RELN: variants seen among roughly 807,000 people sequenced by gnomAD.
The protein encoded by RELN is reelin.
RELN carries 108 observed loss-of-function variants against 427.6 expected under a neutral mutation model. That is an observed-to-expected ratio of 0.25 (90% CI 0.22 to 0.30). The LOEUF is 0.30. Among genes scored for constraint, RELN ranks in the 10% least tolerant of loss-of-function variants. The pLI, the probability that RELN is intolerant of heterozygous loss-of-function variation, is 1.00. For missense variants in RELN, 3,715 were observed against 4,302.8 expected, an observed-to-expected ratio of 0.86 and a Z score of 3.82; for synonymous variants, 1,524 against 1,513.4, an observed-to-expected ratio of 1.01 and a Z score of -0.16.
At chr7:103,875,158 T>TA (rs2116541245) in intron 2 of RELN, among the ~76,000 whole-genome samples, 3 of 147,432 alleles carry the variant, frequency 2.0e-5, no homozygotes, top group African/African-American at 7.4e-5. Context: ...TAGCCATATG[T>TA]AGGAAGCTGA....
intron 5 of RELN, among the ~76,000 whole-genome samples, chr7:103,752,415 AT>A (rs201896863): frequency 7.3e-5 from 11 of 151,558 alleles, no homozygotes; most frequent in Non-Finnish European, 7.4e-5. Flanking sequence ...TCTCATTTCA[AT>A]TTTTTTTTAA....
intron 2 of RELN, among the ~76,000 whole-genome samples, chr7:103,838,621 C>G (rs896392226): frequency 3.9e-5 from 6 of 152,234 alleles, no homozygotes; most frequent in African/African-American, 1.4e-4. Flanking sequence ...AAGCAGGGAT[C>G]AGGTGTATGG....
At chr7:103,732,617 A>G (rs1357002485) in intron 6 of RELN, among the ~76,000 whole-genome samples, 1 of 152,148 alleles carries the variant, frequency 6.6e-6, no homozygotes, top group African/African-American at 2.4e-5. Flanking sequence ...TCCATGTGAA[A>G]GACGAGATGA....
chr7:103,846,869 C>T lies in RELN; in HGVS notation c.338-13197G>A, dbSNP rs189959985. Among the ~76,000 whole-genome samples the T allele has an allele frequency of 9.1e-3, 1,382 of 152,166 alleles. 16 individuals are homozygous for T. Among genetic ancestry groups the T allele is most frequent in the Middle Eastern group, 0.017 (5 of 294 alleles). On this transcript the variant is annotated intron_variant, in intron 2 of 64. Transcript: ENST00000428762. ...AGAAATGCAAATCAAAGCCACAGTGCGATGCCATCTCATGCCAGTTAGAAC... is the reference window on the plus strand; with the variant it reads ...AGAAATGCAAATCAAAGCCACAGTGTGATGCCATCTCATGCCAGTTAGAAC...
At position 103,593,729 on chromosome 7, in the gene RELN, C is replaced by T. The variant is rs1190582008; in HGVS notation, c.3865G>A (p.Val1289Ile). 1.9e-6 allele frequency: 3 copies of T among 1,614,056 alleles called. No homozygotes were observed. The highest frequency in any genetic ancestry group is 3.3e-5 in the Admixed American group (2 of 60,026). The change falls in exon 27 of 65, where the codon GTA (valine) becomes ATA (isoleucine). Residue 1289 changes from valine (V) to isoleucine (I), a missense_variant. Coordinates refer to ENST00000428762, the MANE Select transcript of RELN (RefSeq NM_005045.4). ...GGTTTCAGGGTCAAATCTCGAGTTACTGCAAATCGATCTCCATCTGATTTT... is the reference window on the plus strand; with the variant it reads ...GGTTTCAGGGTCAAATCTCGAGTTATTGCAAATCGATCTCCATCTGATTTT... ...FGKSDGDRFAVTRDLTLKPGY... is the reference protein window; with the variant it reads ...FGKSDGDRFAITRDLTLKPGY...
chr7:103,925,170 T>C (rs1308494670), intron 1 of RELN, among the ~76,000 whole-genome samples: 1 of 152,118 alleles, frequency 6.6e-6, no homozygotes, highest in Non-Finnish European at 1.5e-5. Context: ...AACAATATTT[T>C]TGAAATCTCC....
chr7:103,502,277 A>G (rs542572574), intron 52 of RELN, among the ~76,000 whole-genome samples: 16 of 151,026 alleles, frequency 1.1e-4, no homozygotes, highest in African/African-American at 3.6e-4. Context: ...AATAATAATA[A>G]TAATATCTAT....
intron 1 of RELN, 144 bp from the exon 2 acceptor site, chr7:103,917,329 G>C: frequency 1.4e-6 from 1 of 690,816 alleles, no homozygotes; most frequent in East Asian, 2.7e-5. Flanking sequence ...TTTTGTATGA[G>C]AAATTACAGA....
intron 53 of RELN, 143 bp from the exon 54 acceptor site, chr7:103,498,395 A>G (rs750738046): frequency 1.1e-5 from 8 of 738,566 alleles, no homozygotes; most frequent in Non-Finnish European, 1.4e-5. Context: ...AAAAAAGGCT[A>G]TTTCCACAAT....
intron 33 of RELN, 147 bp downstream of exon 33, chr7:103,566,077 C>T: frequency 1.4e-6 from 1 of 710,652 alleles, no homozygotes; most frequent in Non-Finnish European, 2.5e-6. Context: ...TGTCTTAGCA[C>T]AATAAAACTT....
chr7:103,495,989 T>G, intron 56 of RELN, 91 bp from the exon 57 acceptor site: 4 of 1,346,128 alleles, frequency 3.0e-6, no homozygotes, highest in Non-Finnish European at 4.2e-6. Context: ...AACTGACCGA[T>G]TTATTGTTGA....
chr7:103,924,268 C>A lies in RELN; in HGVS notation c.227-7083G>T, dbSNP rs150191014. On this transcript the variant is annotated intron_variant, in intron 1 of 64. Transcript: ENST00000428762. ...TCTGCTGTACTAATTATTATTACAG[C>A]CATTTATTATCATTATTATTACTCT... Among the ~76,000 whole-genome samples, 355 of 152,160 alleles carry A rather than the reference C, an allele frequency of 2.3e-3. 2 individuals carry two copies. The highest frequency in any genetic ancestry group is 8.1e-3 in the African/African-American group (336 of 41,506).
At chr7:103,482,599 C>A (rs1235574543) in intron 63 of RELN, among the ~76,000 whole-genome samples, 1 of 152,182 alleles carries the variant, frequency 6.6e-6, no homozygotes. Flanking sequence ...TACCTGGAGA[C>A]TTTTGTTTTA....
chr7:103,548,116 C>A (rs958342966), intron 41 of RELN, among the ~76,000 whole-genome samples: 10 of 152,250 alleles, frequency 6.6e-5, no homozygotes, highest in Admixed American at 2.0e-4. Flanking sequence ...CAAAAACAAT[C>A]AGGAACTTTT....
At chr7:103,926,119 T>TTTTTTTTTA (rs1795729234) in intron 1 of RELN, among the ~76,000 whole-genome samples, 1 of 133,014 alleles carries the variant, frequency 7.5e-6, no homozygotes, top group Non-Finnish European at 1.7e-5. Flanking sequence ...TTTTTTTTTT[T>TTTTTTTTTA]GAGATGGAGT....
chr7:103,504,072 C>T (rs993248341), intron 51 of RELN, among the ~76,000 whole-genome samples: 2 of 151,990 alleles, frequency 1.3e-5, no homozygotes, highest in African/African-American at 2.4e-5. Flanking sequence ...GGCATGGTGG[C>T]GTGCACCTGT....
chr7:103,790,673 G>A (rs933144649), intron 3 of RELN, among the ~76,000 whole-genome samples: 11 of 152,020 alleles, frequency 7.2e-5, no homozygotes, highest in Non-Finnish European at 1.5e-4. Flanking sequence ...GTCCTTTAAA[G>A]AAGAAAATAG....
At chr7:103,852,660 C>T (rs187333588) in intron 2 of RELN, among the ~76,000 whole-genome samples, 2 of 149,072 alleles carry the variant, frequency 1.3e-5, no homozygotes, top group Non-Finnish European at 3.0e-5. Context: ...CATTCAGTAA[C>T]TCACCTTTGT....
intron 53 of RELN, among the ~76,000 whole-genome samples, chr7:103,499,774 G>T (rs1828962378): frequency 6.6e-6 from 1 of 152,094 alleles, no homozygotes; most frequent in Admixed American, 6.5e-5. Context: ...TTTAATCAGG[G>T]TTTATAATTT....
Sources: allele counts gnomAD v4.1 joint callset (sites outside exome capture counted in the v4.1 genomes callset), GRCh38; gene constraint gnomAD v4.1.1; transcripts MANE v1.5; gene names NCBI Gene and HGNC (gene_info 2026-07-23, HGNC 2026-07-21).